HEATR5B: variants seen among roughly 807,000 people sequenced by gnomAD.
The protein encoded by HEATR5B is HEAT repeat containing 5B.
HEATR5B carries 156 observed loss-of-function variants against 224.1 expected under a neutral mutation model. The observed-to-expected ratio is 0.70, with a 90% confidence interval of 0.61 to 0.80. The LOEUF (loss-of-function observed/expected upper bound fraction) is 0.80, where lower values mean the gene tolerates loss of function less well. Ranked by LOEUF, HEATR5B falls within the 30% of genes least tolerant of loss-of-function variation. The pLI is 0.00. For missense variants in HEATR5B, 2,323 were observed against 2,535.5 expected (o/e 0.92, Z 1.80); for synonymous variants, 1,027 against 893.0 (o/e 1.15, Z -2.68).
At chr2:37,049,308 G>A (rs1238820371) in intron 18 of HEATR5B, among the ~76,000 whole-genome samples, 1 of 152,178 alleles carries the variant, frequency 6.6e-6, no homozygotes, top group Non-Finnish European at 1.5e-5. Flanking sequence ...AAAGAATAAA[G>A]AGGGACAAGG....
In HEATR5B at chr2:37,053,521, G is replaced by A; in HGVS notation, c.2486C>T (p.Ala829Val). ...QQAVQLNIFTAVLSALKGLAE... is the reference protein window; with the variant it reads ...QQAVQLNIFTVVLSALKGLAE... ...AAATACCTTTAGTGCACTAAGAACA[G>A]CAGTAAATATGTTAAGCTGCACAGC... The change falls in exon 17 of 36, where the codon GCT becomes GTT. Residue 829 changes from alanine (A) to valine (V), a missense_variant. Physicochemically the swap from Ala to Val is moderately conservative, Grantham distance 64. Around this residue, in one of 12 missense-constraint regions of HEATR5B, gnomAD observed 170 missense variants for 216.7 expected, o/e 0.78. Coordinates refer to ENST00000233099, the MANE Select transcript of HEATR5B (RefSeq NM_019024.3). The A allele has an allele frequency of 4.4e-6, 7 of 1,602,342 alleles. No individual in the cohort carries two copies. The East Asian group carries it at 1.3e-4, about 31-fold the overall frequency.
At chr2:37,020,564 G>C (rs1668400482) in intron 25 of HEATR5B, 91 bp downstream of exon 25, 2 of 891,098 alleles carry the variant, frequency 2.2e-6, no homozygotes, top group South Asian at 4.3e-5. Context: ...ACAGATTGCA[G>C]TTCCAAATGC....
At chr2:36,997,169 T>C (rs571180580) in intron 33 of HEATR5B, among the ~76,000 whole-genome samples, 8 of 152,110 alleles carry the variant, frequency 5.3e-5, no homozygotes, top group African/African-American at 1.4e-4. Flanking sequence ...TTTTGATGGG[T>C]AGAAGTTAAT....
intron 18 of HEATR5B, among the ~76,000 whole-genome samples, chr2:37,043,002 C>A (rs1475339789): frequency 2.0e-5 from 3 of 151,742 alleles, no homozygotes; most frequent in Non-Finnish European, 2.9e-5. Context: ...TGTGCCCTAA[C>A]TGAAGAGTAT....
In HEATR5B at chr2:37,014,014, T is replaced by A; in HGVS notation, c.4111A>T (p.Ser1371Cys). 1 of 1,564,456 alleles carries A rather than the reference T, an allele frequency of 6.4e-7. No homozygotes were observed. Among genetic ancestry groups the A allele is most frequent in the Non-Finnish European group, 8.7e-7 (1 of 1,150,648 alleles). The change falls in exon 27 of 36, where the codon AGT (serine) becomes TGT (cysteine). Residue 1371 changes from serine (S) to cysteine (C), a missense_variant. Ser to Cys is a moderately radical substitution (Grantham distance 112, BLOSUM62 -1). Around this residue, in one of 12 missense-constraint regions of HEATR5B, gnomAD observed 339 missense variants for 378.4 expected, o/e 0.90. Transcript: ENST00000233099. ...ACAACTCCACTTCCTATCCATGTAC[T>A]ACATACCTAGACAAAGAGAATTCAA... Reference protein sequence around the residue: ...DIIAKACQVCSTWIGSGVVSD... With the variant: ...DIIAKACQVCCTWIGSGVVSD...
At chr2:37,034,427 A>C (rs1298459991) in intron 21 of HEATR5B, among the ~76,000 whole-genome samples, 25 of 139,858 alleles carry the variant, frequency 1.8e-4, no homozygotes, top group African/African-American at 6.1e-4. Context: ...TCCCGGCTAA[A>C]ACGGTGAAAC....
At chr2:37,060,769 T>G in intron 11 of HEATR5B, 36 bp from the exon 12 acceptor site, 1 of 1,576,836 alleles carries the variant, frequency 6.3e-7, no homozygotes, top group South Asian at 1.1e-5. Flanking sequence ...ACCATGTATA[T>G]GTAACATACC....
intron 24 of HEATR5B, among the ~76,000 whole-genome samples, chr2:37,024,116 T>C (rs922760888): frequency 4.6e-5 from 7 of 152,192 alleles, no homozygotes; most frequent in Admixed American, 2.0e-4. Flanking sequence ...ATGGATGAAC[T>C]TGGAGGCATT....
rs140062461 is a variant in HEATR5B, at chr2:37,067,707, G to A, written c.1177+974C>T. Reference sequence around the variant, plus strand: ...GAATAATTTGAACCTGAGAGGTGGAGGTTGTAGTGAGCCAAGATCGCACCA... The same window carrying A: ...GAATAATTTGAACCTGAGAGGTGGAAGTTGTAGTGAGCCAAGATCGCACCA... On this transcript the variant is annotated intron_variant, in intron 8 of 35. Coordinates refer to ENST00000233099, the MANE Select transcript of HEATR5B (RefSeq NM_019024.3). Among the ~76,000 whole-genome samples the A allele has an allele frequency of 1.1e-3, 168 of 152,310 alleles. 3 individuals are homozygous for A. In the East Asian group the frequency reaches 0.03, roughly 27 times the overall value.
At chr2:36,992,818 G>A (rs1026548187) in intron 33 of HEATR5B, among the ~76,000 whole-genome samples, 1 of 151,886 alleles carries the variant, frequency 6.6e-6, no homozygotes, top group Non-Finnish European at 1.5e-5. Context: ...TTGAACTCCT[G>A]GGCTCAAGCA....
chr2:37,065,890 T>C lies in HEATR5B; in HGVS notation c.1198A>G (p.Ser400Gly), dbSNP rs765524904. Residue 400 changes from serine to glycine, a missense_variant, in exon 9 of 36, where the codon AGT (serine) becomes GGT (glycine). Ser to Gly is a moderately conservative substitution (Grantham distance 56, BLOSUM62 0). Coordinates refer to ENST00000233099, the MANE Select transcript of HEATR5B (RefSeq NM_019024.3). ...GCTGCGCCAGATTTGTTTTCTCCACTTGTGTCATTCACTACTGCTTCTGGA... is the reference window on the plus strand; with the variant it reads ...GCTGCGCCAGATTTGTTTTCTCCACCTGTGTCATTCACTACTGCTTCTGGA... ...KAVEAVVNDT[S>G]GENKSGAADI... is the part of the protein sequence containing the mutation. 6 of 1,612,098 alleles carry C rather than the reference T, an allele frequency of 3.7e-6. No homozygotes were observed. In the Admixed American group the frequency reaches 1.0e-4, roughly 27 times the overall value.
intron 18 of HEATR5B, among the ~76,000 whole-genome samples, chr2:37,041,571 T>C (rs1377345933): frequency 6.6e-6 from 1 of 151,826 alleles, no homozygotes; most frequent in Admixed American, 6.6e-5. Flanking sequence ...CATGGCAAAA[T>C]CCCATTTCTA....
At chr2:37,060,787 C>T (rs1047035374) in intron 11 of HEATR5B, 54 bp from the exon 12 acceptor site, 1 of 1,468,510 alleles carries the variant, frequency 6.8e-7, no homozygotes, top group African/African-American at 1.4e-5. Context: ...ACCTTACAAA[C>T]AAGTGTCAAG....
At chr2:37,021,260 T>G (rs985398565) in intron 24 of HEATR5B, among the ~76,000 whole-genome samples, 1 of 152,238 alleles carries the variant, frequency 6.6e-6, no homozygotes, top group Non-Finnish European at 1.5e-5. Context: ...AGTCTTGCAA[T>G]ACTGCCTTTT....
rs1226437509 is a variant in HEATR5B at position 36,981,295 on chromosome 2, T to G, written c.*195A>C. 1.6e-5 allele frequency: 7 copies of G among 447,928 alleles called. No homozygotes were observed. The highest frequency in any genetic ancestry group is 1.2e-5 in the Non-Finnish European group (3 of 255,902). 27.7% of individuals were successfully genotyped at this position (447,928 alleles called of 1,614,324 possible). ...TATTAGGAGGAAAATGAAAACATAT[T>G]CACCACATGATAAAAAAAATCACTC... is the stretch of plus-strand genomic sequence containing the variant. On this transcript the variant is annotated 3_prime_UTR_variant, in exon 36 of 36. Transcript: ENST00000233099.
At chr2:36,984,512 A>G (rs1665818863) in intron 35 of HEATR5B, among the ~76,000 whole-genome samples, 1 of 151,940 alleles carries the variant, frequency 6.6e-6, no homozygotes, top group South Asian at 2.1e-4. Flanking sequence ...ATGAAGGGTA[A>G]AATCGGAGTG....
At chr2:37,036,064 C>A (rs1669455487) in intron 21 of HEATR5B, among the ~76,000 whole-genome samples, 1 of 152,222 alleles carries the variant, frequency 6.6e-6, no homozygotes, top group African/African-American at 2.4e-5. Flanking sequence ...TCTCCCCATT[C>A]TCTTACTAAC....
Position 37,028,083 on chromosome 2 carries a change from T to C in HEATR5B, c.3693A>G (p.Leu1231=). ...EMDDDTMFTT[L]GEEDKSKPFV... ...AGGGCTTTGATTTATCTTCTTCACC[T>C]AACGTGGTAAACATGGTATCATCAT... is the stretch of plus-strand genomic sequence containing the variant. The change falls in exon 24 of 36, where the codon TTA becomes TTG. Residue 1231 remains leucine (L), a synonymous_variant. Coordinates refer to ENST00000233099, the MANE Select transcript of HEATR5B (RefSeq NM_019024.3). 1 of 1,613,854 alleles carries C rather than the reference T, an allele frequency of 6.2e-7. No individual in the cohort carries two copies. Among genetic ancestry groups the C allele is most frequent in the Non-Finnish European group, 8.5e-7 (1 of 1,179,712 alleles).
At chr2:37,004,419 C>G (rs1228701367) in intron 30 of HEATR5B, among the ~76,000 whole-genome samples, 1 of 151,092 alleles carries the variant, frequency 6.6e-6, no homozygotes, top group African/African-American at 2.4e-5. Flanking sequence ...TGACAATGCT[C>G]AAGTCTTTCT....
Sources: gnomAD v4.1 joint callset for allele counts (sites outside exome capture counted in the v4.1 genomes callset) on GRCh38, gnomAD v4.1.1 for gene constraint, gnomAD v4.1.1 regional missense constraint, MANE v1.5 for transcripts, NCBI Gene and HGNC (gene_info 2026-07-23, HGNC 2026-07-21) for gene names.